Variants in LPGAT1 observed in about 807,000 individuals in gnomAD.
LPGAT1 encodes lysophosphatidylglycerol acyltransferase 1.
Under a neutral mutation model 47.5 loss-of-function variants are expected in LPGAT1, and 11 were observed. That is an observed-to-expected ratio of 0.23 (90% CI 0.15 to 0.38). The LOEUF is 0.38. LPGAT1 is among the 10% of genes least tolerant of loss of function. The pLI, the probability that LPGAT1 is intolerant of heterozygous loss-of-function variation, is 1.00. For synonymous variants in LPGAT1, 138 were observed against 144.2 expected, an observed-to-expected ratio of 0.96 and a Z score of 0.31; for missense variants, 293 against 439.0, an observed-to-expected ratio of 0.67 and a Z score of 2.97.
intron 2 of LPGAT1, among the ~76,000 whole-genome samples, chr1:211,820,246 C>T (rs1157049927): frequency 6.6e-6 from 1 of 151,926 alleles, no homozygotes; most frequent in African/African-American, 2.4e-5. Context: ...CTACAAATAA[C>T]AGATTGAGGA....
intron 2 of LPGAT1, among the ~76,000 whole-genome samples, chr1:211,800,109 A>C (rs138490008): frequency 0.01 from 1,592 of 151,652 alleles, 21 homozygotes; most frequent in African/African-American, 0.035. Flanking sequence ...ATCTCGGCTC[A>C]CTGCAACCTC....
chr1:211,788,615 C>T (rs995301204), intron 3 of LPGAT1, among the ~76,000 whole-genome samples: 7 of 150,756 alleles, frequency 4.6e-5, no homozygotes, highest in African/African-American at 1.5e-4. Context: ...CCGGGAGGCA[C>T]AGGTTGCAGT....
intron 6 of LPGAT1, 26 bp from the exon 7 acceptor site, chr1:211,751,093 A>G (rs1373946424): frequency 1.4e-6 from 2 of 1,440,448 alleles, no homozygotes; most frequent in East Asian, 4.5e-5. Context: ...AGAAAAGAAC[A>G]AAAACTATTT....
At chr1:211,798,161 T>C (rs577310435) in intron 2 of LPGAT1, among the ~76,000 whole-genome samples, 1 of 152,196 alleles carries the variant, frequency 6.6e-6, no homozygotes, top group Non-Finnish European at 1.5e-5. Flanking sequence ...TTGCTTATTA[T>C]GCCCGCAAGC....
intron 6 of LPGAT1, among the ~76,000 whole-genome samples, chr1:211,766,411 T>C (rs1377440824): frequency 1.3e-5 from 2 of 152,228 alleles, no homozygotes; most frequent in East Asian, 3.8e-4. Context: ...GATAAACCCA[T>C]TGTAAGTCGA....
rs556326892 is a variant in LPGAT1, at chr1:211,779,809, C to G, written c.728-765G>C. 6.0e-4 allele frequency among the ~76,000 whole-genome samples: 88 copies of G among 145,676 alleles called. 1 individual carries two copies. The highest frequency in any genetic ancestry group is 2.1e-3 in the African/African-American group (81 of 39,178). On this transcript the variant is annotated intron_variant, in intron 5 of 7. Coordinates refer to ENST00000366997, the MANE Select transcript of LPGAT1 (RefSeq NM_014873.3). Reference sequence around the variant, plus strand: ...GGAGGTTGCAGTGAGCCAAGATCGCCATCACTGCACTCCAGCCTGGGCACA... The same window carrying G: ...GGAGGTTGCAGTGAGCCAAGATCGCGATCACTGCACTCCAGCCTGGGCACA...
At chr1:211,788,045 T>C (rs1251555951) in intron 3 of LPGAT1, among the ~76,000 whole-genome samples, 1 of 152,180 alleles carries the variant, frequency 6.6e-6, no homozygotes, top group Non-Finnish European at 1.5e-5. Flanking sequence ...TGATAATTCT[T>C]ATATAACTTA....
In LPGAT1 at chr1:211,745,933, G is replaced by A. The variant is rs1656924105; in HGVS notation, c.*3966C>T. ...CAAACCATTTTTATCCATCCTCTGTGGACCAGAGCTGAACACACTCATAAT... is the reference window on the plus strand; with the variant it reads ...CAAACCATTTTTATCCATCCTCTGTAGACCAGAGCTGAACACACTCATAAT... On this transcript the variant is annotated 3_prime_UTR_variant, in exon 8 of 8. Transcript: ENST00000366997. 6.6e-6 allele frequency: 1 copy of A among 152,574 alleles called. No individual in the cohort carries two copies. Among genetic ancestry groups the A allele is most frequent in the South Asian group, 2.1e-4 (1 of 4,830 alleles). 9.5% of individuals were successfully genotyped at this position (152,574 alleles called of 1,614,324 possible).
intron 6 of LPGAT1, among the ~76,000 whole-genome samples, chr1:211,753,191 A>T (rs940671693): frequency 6.6e-6 from 1 of 152,138 alleles, no homozygotes; most frequent in Non-Finnish European, 1.5e-5. Flanking sequence ...AATCGAATAG[A>T]ATGTTAACTA....
intron 5 of LPGAT1, among the ~76,000 whole-genome samples, chr1:211,782,611 T>C (rs941359389): frequency 6.6e-6 from 1 of 152,084 alleles, no homozygotes; most frequent in African/African-American, 2.4e-5. Context: ...GGCATGTGCC[T>C]ACAACCCCAG....
intron 2 of LPGAT1, among the ~76,000 whole-genome samples, chr1:211,793,644 G>A (rs1202673392): frequency 6.6e-6 from 1 of 152,052 alleles, no homozygotes; most frequent in Non-Finnish European, 1.5e-5. Flanking sequence ...TATTGGCCAG[G>A]CTGGTCTCAA....
chr1:211,803,409 T>C (rs1477876697), intron 2 of LPGAT1, among the ~76,000 whole-genome samples: 3 of 152,166 alleles, frequency 2.0e-5, no homozygotes, highest in Non-Finnish European at 4.4e-5. Context: ...CCAGGCTTAG[T>C]GGATAACCAG....
intron 2 of LPGAT1, among the ~76,000 whole-genome samples, chr1:211,820,767 T>C (rs1018299967): frequency 4.0e-5 from 6 of 151,786 alleles, no homozygotes; most frequent in African/African-American, 1.5e-4. Flanking sequence ...ACCAAAACAA[T>C]GAGACAAAGT....
intron 2 of LPGAT1, among the ~76,000 whole-genome samples, chr1:211,822,033 G>C (rs1004901958): frequency 1.1e-4 from 16 of 152,112 alleles, no homozygotes; most frequent in East Asian, 1.9e-4. Flanking sequence ...CTGTATACTA[G>C]AGACACATCT....
chr1:211,785,808 T>C (rs1658855159), intron 4 of LPGAT1, among the ~76,000 whole-genome samples: 1 of 152,090 alleles, frequency 6.6e-6, no homozygotes, highest in Non-Finnish European at 1.5e-5. Flanking sequence ...GCCTTCACCA[T>C]GTTGGCCAGG....
intron 6 of LPGAT1, among the ~76,000 whole-genome samples, chr1:211,763,836 T>C (rs958842925): frequency 6.6e-6 from 1 of 152,238 alleles, no homozygotes; most frequent in Non-Finnish European, 1.5e-5. Flanking sequence ...CATTGTCCTC[T>C]TCTCCTTCAG....
chr1:211,788,061 T>C (rs1658958802), intron 3 of LPGAT1, among the ~76,000 whole-genome samples: 1 of 152,018 alleles, frequency 6.6e-6, no homozygotes, highest in Non-Finnish European at 1.5e-5. Flanking sequence ...ACTTACAAAA[T>C]TATTTTGAAA....
chr1:211,827,067 C>T (rs563439984), intron 2 of LPGAT1, among the ~76,000 whole-genome samples: 2 of 152,186 alleles, frequency 1.3e-5, no homozygotes, highest in African/African-American at 4.8e-5. Flanking sequence ...TGTTTGACTT[C>T]TTGACTATTT....
At chr1:211,758,167 G>A (rs1268269606) in intron 6 of LPGAT1, among the ~76,000 whole-genome samples, 1 of 152,122 alleles carries the variant, frequency 6.6e-6, no homozygotes, top group Non-Finnish European at 1.5e-5. Context: ...GTTTCATAAA[G>A]TGCCTTTTCC....
Sources: gnomAD v4.1 joint callset for allele counts (sites outside exome capture counted in the v4.1 genomes callset) on GRCh38, gnomAD v4.1.1 for gene constraint, MANE v1.5 for transcripts, NCBI Gene and HGNC (gene_info 2026-07-23, HGNC 2026-07-21) for gene names.